The following PCDHGA11 variants were observed in gnomAD, a reference collection of about 807,000 sequenced individuals.
PCDHGA11 encodes protocadherin gamma subfamily A, 11, also known as protocadherin gamma-A11.
In PCDHGA11, 39 loss-of-function variants were observed where a neutral mutation model predicts 60.4. The ratio of observed to expected loss-of-function variants is 0.65; its 90% CI spans 0.50 to 0.84. The LOEUF is 0.84. PCDHGA11 is among the 40% of genes least tolerant of loss of function. PCDHGA11 has a pLI of 0.00. For synonymous variants in PCDHGA11, 533 were observed against 510.3 expected (o/e 1.04, Z -0.60); for missense variants, 1,165 against 1,197.7 (o/e 0.97, Z 0.40).
intron 2 of PCDHGA11, among the ~76,000 whole-genome samples, chr5:141,500,046 T>C (rs959260262): frequency 1.3e-5 from 2 of 152,098 alleles, no homozygotes; most frequent in African/African-American, 4.8e-5. Context: ...TTAAGTATCT[T>C]AATGCTCTTT....
At chr5:141,496,400 A>G (rs540108338) in intron 2 of PCDHGA11, among the ~76,000 whole-genome samples, 2 of 152,240 alleles carry the variant, frequency 1.3e-5, no homozygotes, top group East Asian at 3.9e-4. Flanking sequence ...TACCTCCTCA[A>G]TGGTTGAGTA....
In PCDHGA11 at chr5:141,432,122, G is replaced by C; in HGVS notation, c.2433+8462G>C. On this transcript the variant is annotated intron_variant, in intron 1 of 3. Transcript: ENST00000398587. This position sits in a 1 kb window ranked among gnomAD's most constrained non-coding sequence, Gnocchi z 6.0. ...CGACAACCCGCCGGTCTTCCCTCAG[G>C]CCTCCTATTCCGCTTATATCCCAGA... 6.2e-7 allele frequency: 1 copy of C among 1,614,052 alleles called. No homozygotes were observed. Among genetic ancestry groups the C allele is most frequent in the Non-Finnish European group, 8.5e-7 (1 of 1,180,022 alleles).
intron 3 of PCDHGA11, among the ~76,000 whole-genome samples, chr5:141,508,930 T>A (rs2099873149): frequency 6.6e-6 from 1 of 151,836 alleles, no homozygotes; most frequent in African/African-American, 2.4e-5. Context: ...CTTTTGGAGT[T>A]AATTAGGGAA....
Position 141,423,156 on chromosome 5 carries a change from CGTG to C in PCDHGA11, c.1934_1936del (p.Val645del), listed in dbSNP as rs776903094. On this transcript the variant is annotated inframe_deletion, in exon 1 of 4. Coordinates refer to ENST00000398587, the MANE Select transcript of PCDHGA11 (RefSeq NM_018914.3). ...ACAGAGACGCGCTCAAGCAGAGCCT[CGTG>C]GTGGCCGTCCAGGACCACGGCCAGC... 8.2e-4 allele frequency: 1,328 copies of C among 1,613,396 alleles called. 15 individuals are homozygous for C. Among genetic ancestry groups the C allele is most frequent in the Admixed American group, 9.5e-4 (57 of 60,016 alleles).
At chr5:141,428,124 C>G in intron 1 of PCDHGA11, 2 of 1,605,400 alleles carry the variant, frequency 1.2e-6, no homozygotes, top group Non-Finnish European at 1.7e-6. Flanking sequence ...CGAGCCCGGG[C>G]TTTTCAGCCT....
At chr5:141,461,251 A>G (rs925406409) in intron 1 of PCDHGA11, among the ~76,000 whole-genome samples, 1 of 152,156 alleles carries the variant, frequency 6.6e-6, no homozygotes, top group Non-Finnish European at 1.5e-5. Flanking sequence ...TTATATTCCC[A>G]GCAGCAATGT....
At chr5:141,423,927 T>G (rs2096791636) in intron 1 of PCDHGA11, 4 of 1,240,434 alleles carry the variant, frequency 3.2e-6, no homozygotes, top group Non-Finnish European at 4.1e-6. Flanking sequence ...TATGCTGGTT[T>G]GGTTTGAAGT....
At chr5:141,464,218 T>C (rs1464478430) in intron 1 of PCDHGA11, among the ~76,000 whole-genome samples, 1 of 150,958 alleles carries the variant, frequency 6.6e-6, no homozygotes, top group Non-Finnish European at 1.5e-5. Flanking sequence ...TGAGCTGAGA[T>C]TGCGCCACTG....
chr5:141,478,026 C>T (rs1192406949), intron 1 of PCDHGA11: 2 of 1,614,062 alleles, frequency 1.2e-6, no homozygotes, highest in East Asian at 2.2e-5. Flanking sequence ...GTCCAAGACA[C>T]AGATTCACCC....
chr5:141,505,558 C>A (rs945428797), intron 3 of PCDHGA11, 77 bp downstream of exon 3: 1 of 1,605,016 alleles, frequency 6.2e-7, no homozygotes, highest in African/African-American at 1.3e-5. Context: ...ACCATGCCCA[C>A]GGACTGGATG....
At chr5:141,510,849 G>C (rs959784028) in intron 3 of PCDHGA11, 98 bp from the exon 4 acceptor site, 10 of 1,596,568 alleles carry the variant, frequency 6.3e-6, no homozygotes, top group Middle Eastern at 1.7e-4. Flanking sequence ...CAAGGCCCAG[G>C]GTGCTGTATA....
At chr5:141,484,931 A>ACGTT (rs1464416110) in intron 1 of PCDHGA11, 2 of 498,000 alleles carry the variant, frequency 4.0e-6, no homozygotes, top group Non-Finnish European at 7.2e-6. Flanking sequence ...TGCTGTTGGG[A>ACGTT]CGTTCTCTGC....
In PCDHGA11 at chr5:141,421,290, G is replaced by C. The variant is rs2096561632; in HGVS notation, c.63G>C (p.Leu21=). The C allele has an allele frequency of 6.2e-7, 1 of 1,613,130 alleles. No individual in the cohort carries two copies. Among genetic ancestry groups the C allele is most frequent in the African/African-American group, 1.3e-5 (1 of 74,952 alleles). The change falls in exon 1 of 4, where the codon CTG becomes CTC. Residue 21 remains leucine, a synonymous_variant. Coordinates refer to ENST00000398587, the MANE Select transcript of PCDHGA11 (RefSeq NM_018914.3). The stretch of plus-strand genomic sequence containing the variant: ...TGCTGCTGCTGCTGTGCATTTTCCT[G>C]GGGACGCTGCGGGGGTTCCGGGCCA... ...SRLLLLLCIF[L]GTLRGFRARQ...
Position 141,429,387 on chromosome 5 carries a change from TAAA to T in PCDHGA11, c.2433+5733_2433+5735del, listed in dbSNP as rs11410533. Among the ~76,000 whole-genome samples, 27 of 151,446 alleles carry T rather than the reference TAAA, an allele frequency of 1.8e-4. No homozygotes were observed. In the East Asian group the frequency reaches 1.9e-3, roughly 11 times the overall value. ...AAATGGAGAAAATGTGTTTTTTTTTTAAAAAAAATTGAGATTAAGGTCTCATTA... is the reference window on the plus strand; with the variant it reads ...AAATGGAGAAAATGTGTTTTTTTTTTAAAAATTGAGATTAAGGTCTCATTA... On this transcript the variant is annotated intron_variant, in intron 1 of 3. Coordinates refer to ENST00000398587, the MANE Select transcript of PCDHGA11 (RefSeq NM_018914.3).
intron 1 of PCDHGA11, among the ~76,000 whole-genome samples, chr5:141,480,195 G>C (rs1350891459): frequency 6.6e-6 from 1 of 151,182 alleles, no homozygotes; most frequent in African/African-American, 2.4e-5. Flanking sequence ...CTTGAGGCCA[G>C]CAGTTCAAGA....
At chr5:141,483,293 G>T (rs532959899) in intron 1 of PCDHGA11, among the ~76,000 whole-genome samples, 1 of 152,264 alleles carries the variant, frequency 6.6e-6, no homozygotes, top group Non-Finnish European at 1.5e-5. Flanking sequence ...TCAGTCATAA[G>T]TGAAGGGACT....
intron 1 of PCDHGA11, among the ~76,000 whole-genome samples, chr5:141,459,221 G>A (rs1028895845): frequency 9.2e-5 from 14 of 152,154 alleles, no homozygotes; most frequent in African/African-American, 3.1e-4. Flanking sequence ...TCCAGCTCCA[G>A]GCAACAACTG....
At chr5:141,473,966 G>A (rs1268822103) in intron 1 of PCDHGA11, among the ~76,000 whole-genome samples, 3 of 152,174 alleles carry the variant, frequency 2.0e-5, no homozygotes, top group Non-Finnish European at 4.4e-5. Context: ...CTACTTAGAA[G>A]TCTGAGGCGG....
At chr5:141,470,201 G>C (rs2154570565) in intron 1 of PCDHGA11, among the ~76,000 whole-genome samples, 1 of 152,274 alleles carries the variant, frequency 6.6e-6, no homozygotes, top group Non-Finnish European at 1.5e-5. Flanking sequence ...AGATAAATAT[G>C]AAGGCTAAAC....
Sources: gnomAD v4.1 joint callset for allele counts (sites outside exome capture counted in the v4.1 genomes callset) on GRCh38, gnomAD v4.1.1 for gene constraint, Gnocchi (gnomAD v3.1) non-coding constraint, MANE v1.5 for transcripts, NCBI Gene and HGNC (gene_info 2026-07-23, HGNC 2026-07-21) for gene names.